EPHA6: variants seen among roughly 807,000 people sequenced by gnomAD.
EPHA6 encodes the protein ephrin type-A receptor 6.
A neutral mutation model predicts 112.0 loss-of-function variants in EPHA6; 50 were observed. The observed-to-expected ratio is 0.45, with a 90% CI of 0.36 to 0.56. The LOEUF (loss-of-function observed/expected upper bound fraction) is 0.56. EPHA6 is among the 20% of genes least tolerant of loss of function. The probability of loss-of-function intolerance (pLI) is 0.00; values close to 1 mark genes in which losing one functional copy is unlikely to be tolerated. For synonymous variants in EPHA6, 529 were observed against 490.7 expected, an observed-to-expected ratio of 1.08 and a Z score of -1.03; for missense variants, 1,280 against 1,417.4, an observed-to-expected ratio of 0.90 and a Z score of 1.56.
intron 2 of EPHA6, among the ~76,000 whole-genome samples, chr3:96,951,301 A>G (rs1025602189): frequency 6.6e-6 from 1 of 152,146 alleles, no homozygotes; most frequent in Non-Finnish European, 1.5e-5. Flanking sequence ...AAATCAAAAT[A>G]TGCCTTTGTT....
chr3:96,886,027 T>C (rs891775460), intron 2 of EPHA6, among the ~76,000 whole-genome samples: 4 of 152,226 alleles, frequency 2.6e-5, no homozygotes, highest in Non-Finnish European at 5.9e-5. Context: ...TGTATTTGCA[T>C]GTTTTTGATG....
intron 3 of EPHA6, among the ~76,000 whole-genome samples, chr3:97,042,320 C>G (rs2045345800): frequency 6.6e-6 from 1 of 152,172 alleles, no homozygotes; most frequent in Admixed American, 6.5e-5. Flanking sequence ...GCCTGCTTCC[C>G]CTGCACCTTC....
intron 2 of EPHA6, 78 bp from the exon 3 acceptor site, chr3:96,987,251 CA>C (rs371088918): frequency 1.9e-4 from 255 of 1,315,466 alleles, no homozygotes; most frequent in Non-Finnish European, 2.2e-4. Flanking sequence ...TTTGGTAAAA[CA>C]AAAAAAATTG....
chr3:97,410,086 A>T (rs1023735360), intron 6 of EPHA6, among the ~76,000 whole-genome samples: 2 of 152,124 alleles, frequency 1.3e-5, no homozygotes, highest in African/African-American at 4.8e-5. Flanking sequence ...GATGATTTAA[A>T]GTAGCCTCTT....
intron 1 of EPHA6, among the ~76,000 whole-genome samples, chr3:96,835,544 G>T (rs562852899): frequency 6.8e-4 from 103 of 152,110 alleles, no homozygotes; most frequent in African/African-American, 2.4e-3. Flanking sequence ...AATAGATAAA[G>T]ACTGTGAGGG....
intron 1 of EPHA6, among the ~76,000 whole-genome samples, chr3:96,842,824 T>A (rs908735950): frequency 6.6e-6 from 1 of 152,038 alleles, no homozygotes; most frequent in African/African-American, 2.4e-5. Context: ...ATGTTACAGC[T>A]CTAAAATCTA....
At chr3:97,692,503 G>C (rs1046093930) in intron 14 of EPHA6, among the ~76,000 whole-genome samples, 18 of 152,088 alleles carry the variant, frequency 1.2e-4, no homozygotes, top group African/African-American at 3.6e-4. Flanking sequence ...TCTCAAAAAG[G>C]CCATTCTTGT....
intron 3 of EPHA6, among the ~76,000 whole-genome samples, chr3:97,011,797 C>A (rs1215857769): frequency 6.6e-6 from 1 of 152,144 alleles, no homozygotes; most frequent in South Asian, 2.1e-4. Context: ...ATCCCCCACC[C>A]GGCTCCTTCC....
chr3:97,646,445 T>C, intron 14 of EPHA6: 1 of 703,054 alleles, frequency 1.4e-6, no homozygotes, highest in Non-Finnish European at 2.1e-6. Flanking sequence ...TCTAATATTT[T>C]CTTCTTCAAC....
intron 5 of EPHA6, among the ~76,000 whole-genome samples, chr3:97,369,431 A>T (rs1449951903): frequency 3.9e-5 from 6 of 152,160 alleles, no homozygotes; most frequent in East Asian, 1.9e-4. Context: ...ACCTGACAGG[A>T]TTTGTTGACA....
At chr3:97,432,486 G>A (rs1248713723) in intron 6 of EPHA6, among the ~76,000 whole-genome samples, 2 of 152,112 alleles carry the variant, frequency 1.3e-5, no homozygotes, top group Non-Finnish European at 2.9e-5. Context: ...AGCATGCTGT[G>A]TCTCAGTAAT....
intron 5 of EPHA6, among the ~76,000 whole-genome samples, chr3:97,245,363 A>G (rs1165852880): frequency 1.3e-5 from 2 of 151,940 alleles, no homozygotes; most frequent in Non-Finnish European, 2.9e-5. Flanking sequence ...GACATTAGTC[A>G]TATTGAATTA....
intron 3 of EPHA6, among the ~76,000 whole-genome samples, chr3:97,009,108 C>T (rs1463412638): frequency 6.6e-6 from 1 of 152,052 alleles, no homozygotes; most frequent in African/African-American, 2.4e-5. Flanking sequence ...GGGAGCAGGA[C>T]TCATTTAGTG....
At chr3:96,826,664 T>C (rs1156804180) in intron 1 of EPHA6, among the ~76,000 whole-genome samples, 1 of 152,138 alleles carries the variant, frequency 6.6e-6, no homozygotes, top group Non-Finnish European at 1.5e-5. Flanking sequence ...GTTTATGCTT[T>C]TATGTCTAAG....
At chr3:97,513,694 A>G (rs1378869449) in intron 10 of EPHA6, among the ~76,000 whole-genome samples, 1 of 142,626 alleles carries the variant, frequency 7.0e-6, no homozygotes, top group Non-Finnish European at 1.5e-5. Context: ...GGAGTGGGGT[A>G]GGGGGTGAGG....
Position 97,655,884 on chromosome 3 carries a change from TA to T in EPHA6, c.2784+17803del, listed in dbSNP as rs1183691513. On this transcript the variant is annotated intron_variant, in intron 14 of 17. Transcript: ENST00000389672. ...AACAAACCTGCACGTTGTGCACATGTACCCTAAAACTTAAAGTATAATAAAA... is the reference window on the plus strand; with the variant it reads ...AACAAACCTGCACGTTGTGCACATGTCCCTAAAACTTAAAGTATAATAAAA... Among the ~76,000 whole-genome samples, 3 of 151,938 alleles carry T rather than the reference TA, an allele frequency of 2.0e-5. No homozygotes were observed. The East Asian group carries it at 5.8e-4, about 29-fold the overall frequency.
intron 11 of EPHA6, among the ~76,000 whole-genome samples, chr3:97,574,372 A>G (rs2093363112): frequency 6.6e-6 from 1 of 152,192 alleles, no homozygotes; most frequent in African/African-American, 2.4e-5. Context: ...TACAGGGAGT[A>G]ACACTTAAGC....
At chr3:97,663,155 G>A (rs2094181115) in intron 14 of EPHA6, among the ~76,000 whole-genome samples, 1 of 152,096 alleles carries the variant, frequency 6.6e-6, no homozygotes, top group South Asian at 2.1e-4. Flanking sequence ...AGGACAAAGG[G>A]GAAGGAAAGA....
chr3:97,521,159 T>G (rs780060054), intron 10 of EPHA6, among the ~76,000 whole-genome samples: 13 of 152,018 alleles, frequency 8.6e-5, no homozygotes, highest in Non-Finnish European at 1.5e-4. Context: ...CTCATTGAGC[T>G]TCTTTAACAT....
Sources: allele counts gnomAD v4.1 joint callset (sites outside exome capture counted in the v4.1 genomes callset), GRCh38; gene constraint gnomAD v4.1.1; transcripts MANE v1.5; gene names NCBI Gene and HGNC (gene_info 2026-07-23, HGNC 2026-07-21).